BARX2: variants seen among roughly 807,000 people sequenced by gnomAD.
BARX2 encodes homeobox protein BarH-like 2.
A neutral mutation model predicts 25.5 loss-of-function variants in BARX2; 11 were observed. That is an observed-to-expected ratio of 0.43 (90% CI 0.27 to 0.71). The LOEUF (loss-of-function observed/expected upper bound fraction) is 0.71, where lower values mean the gene tolerates loss of function less well. Ranked by LOEUF, BARX2 falls within the 30% of genes least tolerant of loss-of-function variation. The pLI, the probability that BARX2 is intolerant of heterozygous loss-of-function variation, is 0.19. For synonymous variants in BARX2, 137 were observed against 149.5 expected, an observed-to-expected ratio of 0.92 and a Z score of 0.61; for missense variants, 360 against 359.9, an observed-to-expected ratio of 1.00 and a Z score of 0.00.
chr11:129,431,158 G>C (rs1459828102), intron 1 of BARX2, among the ~76,000 whole-genome samples: 1 of 152,150 alleles, frequency 6.6e-6, no homozygotes, highest in African/African-American at 2.4e-5. Context: ...ATATTTCTGA[G>C]TAGTATTTCG....
At chr11:129,430,446 G>T (rs1304763309) in intron 1 of BARX2, among the ~76,000 whole-genome samples, 1 of 151,942 alleles carries the variant, frequency 6.6e-6, no homozygotes, top group Non-Finnish European at 1.5e-5. Context: ...AGCAGTGAGG[G>T]GAGTCTTCTA....
In BARX2 at chr11:129,388,411, G is replaced by A. The variant is rs185147364; in HGVS notation, c.187+12189G>A. Among the ~76,000 whole-genome samples the A allele has an allele frequency of 8.6e-4, 131 of 152,134 alleles. 1 individual carries two copies. Among genetic ancestry groups the A allele is most frequent in the African/African-American group, 2.8e-3 (117 of 41,486 alleles). On this transcript the variant is annotated intron_variant, in intron 1 of 3. Coordinates refer to ENST00000281437, the MANE Select transcript of BARX2 (RefSeq NM_003658.5). ...CTGTGTCCGTGTCTGTGTAGCATTC[G>A]CTACCAATCTCTGGGTCACGGTGCT...
At position 129,393,230 on chromosome 11, in the gene BARX2, A is replaced by G. The variant is rs1168984327; in HGVS notation, c.187+17008A>G. Among the ~76,000 whole-genome samples the G allele has an allele frequency of 5.3e-5, 8 of 152,166 alleles. No individual in the cohort carries two copies. The South Asian group carries it at 8.3e-4, about 16-fold the overall frequency. ...AGCCTAGGCAACAGAGGAAAATCCT[A>G]TATCTAAAAACAACAGCAACAAAAA... On this transcript the variant is annotated intron_variant, in intron 1 of 3. Transcript: ENST00000281437.
chr11:129,409,035 A>T (rs1861860575), intron 1 of BARX2, among the ~76,000 whole-genome samples: 1 of 151,310 alleles, frequency 6.6e-6, no homozygotes, highest in African/African-American at 2.5e-5. Context: ...AATAACTTAG[A>T]CCTTGTGGGC....
At chr11:129,388,725 G>T (rs755539918) in intron 1 of BARX2, among the ~76,000 whole-genome samples, 87 of 152,140 alleles carry the variant, frequency 5.7e-4, no homozygotes, top group Non-Finnish European at 1.0e-3. Flanking sequence ...AAACCTTTCT[G>T]TATGATTGCA....
rs948404720 is a variant in BARX2, at chr11:129,451,666, T to C, written c.*264T>C. 3.6e-5 allele frequency: 17 copies of C among 472,056 alleles called. No individual in the cohort carries two copies. Among genetic ancestry groups the C allele is most frequent in the Non-Finnish European group, 6.5e-5 (17 of 262,686 alleles). The allele number at this position is 472,056 out of a possible 1,614,324, so 29.2% of individuals were successfully genotyped here. A position where few individuals can be genotyped will look rare whatever the true frequency, so the allele number is the denominator to read the frequency against. On this transcript the variant is annotated 3_prime_UTR_variant, in exon 4 of 4. Coordinates refer to ENST00000281437, the MANE Select transcript of BARX2 (RefSeq NM_003658.5). ...AGGGAGAGAGCGCCTAGGAGCTGCC[T>C]GCCCCAGCTGGGGTGACGGCTGTAG... is the stretch of plus-strand genomic sequence containing the variant.
Position 129,376,100 on chromosome 11 carries a change from A to G in BARX2, c.65A>G (p.Tyr22Cys), listed in dbSNP as rs1591422143. Residue 22 changes from tyrosine to cysteine, a missense_variant, in exon 1 of 4, where the codon TAC (tyrosine) becomes TGC (cysteine). By Grantham distance (194) the Tyr-to-Cys change is radical (BLOSUM62 -2). Transcript: ENST00000281437. The surrounding 1 kb of genome is among the most constrained non-coding windows in gnomAD (Gnocchi z 4.2). ...PGQLKAARRR[Y>C]KTFMIDEILS... ...CAGCTCAAAGCAGCCAGGCGGCGCT[A>G]CAAGACTTTCATGATCGACGAGATC... The G allele has an allele frequency of 1.2e-6, 2 of 1,612,680 alleles. No individual in the cohort carries two copies. Among genetic ancestry groups the G allele is most frequent in the Non-Finnish European group, 1.7e-6 (2 of 1,179,376 alleles).
At chr11:129,438,210 C>G (rs1862215346) in intron 2 of BARX2, 1 of 151,006 alleles carries the variant, frequency 6.6e-6, no homozygotes, top group Non-Finnish European at 1.5e-5. Context: ...GTAATCCCAG[C>G]TACTTGGGAG....
At chr11:129,427,069 C>T (rs1268418760) in intron 1 of BARX2, among the ~76,000 whole-genome samples, 1 of 152,160 alleles carries the variant, frequency 6.6e-6, no homozygotes, top group Non-Finnish European at 1.5e-5. Flanking sequence ...AGTAGGTGTG[C>T]TTTCTTGATA....
intron 1 of BARX2, among the ~76,000 whole-genome samples, chr11:129,380,340 C>T (rs184004847): frequency 3.7e-4 from 56 of 152,080 alleles, no homozygotes; most frequent in Admixed American, 3.7e-3. Context: ...TCCTTGGGTG[C>T]GTTTTTATCA....
chr11:129,420,680 C>T (rs796602199), intron 1 of BARX2, among the ~76,000 whole-genome samples: 1 of 152,308 alleles, frequency 6.6e-6, no homozygotes, highest in African/African-American at 2.4e-5. Context: ...TATTACTTCA[C>T]CTCCTTGTGA....
At chr11:129,430,224 T>G (rs1314999209) in intron 1 of BARX2, among the ~76,000 whole-genome samples, 1 of 152,230 alleles carries the variant, frequency 6.6e-6, no homozygotes, top group Non-Finnish European at 1.5e-5. Context: ...ATCTTAACCC[T>G]GCCATTTTAA....
chr11:129,441,900 A>C (rs1281798239), intron 2 of BARX2, among the ~76,000 whole-genome samples: 1 of 152,168 alleles, frequency 6.6e-6, no homozygotes, highest in East Asian at 1.9e-4. Context: ...GGGATAGATA[A>C]GACAGCATGT....
At chr11:129,442,750 C>G in intron 2 of BARX2, 85 bp from the exon 3 acceptor site, 1 of 1,201,484 alleles carries the variant, frequency 8.3e-7, no homozygotes, top group Non-Finnish European at 1.2e-6. Flanking sequence ...AGTGCTGGAG[C>G]CTGTCTGGAG....
In BARX2 at chr11:129,451,119, A is replaced by G. The variant is rs561559861; in HGVS notation, c.574-17A>G. ...GAATTATTTCTTAGATTCAATAACA[A>G]TTTTTTACTCACGTAGGTTCTTAAA... On this transcript the variant is annotated splice_polypyrimidine_tract_variant and intron_variant, in intron 3 of 3. Coordinates refer to ENST00000281437, the MANE Select transcript of BARX2 (RefSeq NM_003658.5). 2 of 1,604,472 alleles carry G rather than the reference A, an allele frequency of 1.2e-6. No individual in the cohort carries two copies. The highest frequency in any genetic ancestry group is 2.2e-5 in the East Asian group (1 of 44,668).
chr11:129,400,895 A>C (rs1299087889), intron 1 of BARX2, among the ~76,000 whole-genome samples: 1 of 152,226 alleles, frequency 6.6e-6, no homozygotes, highest in Non-Finnish European at 1.5e-5. Context: ...AAAGATTAGA[A>C]AAGAGAGTCA....
chr11:129,388,028 T>C (rs77364305), intron 1 of BARX2, among the ~76,000 whole-genome samples: 6,444 of 152,126 alleles, frequency 0.042, 433 homozygotes, highest in African/African-American at 0.15. Context: ...ACTCCAGTAC[T>C]GGATATGATT....
intron 1 of BARX2, among the ~76,000 whole-genome samples, chr11:129,409,078 G>A (rs981284735): frequency 2.2e-4 from 33 of 152,148 alleles, no homozygotes; most frequent in African/African-American, 7.7e-4. Context: ...TAATACAAGA[G>A]CTCTCAGAGA....
intron 1 of BARX2, among the ~76,000 whole-genome samples, chr11:129,422,650 C>T (rs1017207838): frequency 1.8e-4 from 27 of 147,844 alleles, no homozygotes; most frequent in African/African-American, 6.5e-4. Context: ...GTGTAGATCT[C>T]TTGTGTGTAC....
Sources: gnomAD v4.1 joint callset for allele counts (sites outside exome capture counted in the v4.1 genomes callset) on GRCh38, gnomAD v4.1.1 for gene constraint, Gnocchi (gnomAD v3.1) non-coding constraint, MANE v1.5 for transcripts, NCBI Gene and HGNC (gene_info 2026-07-23, HGNC 2026-07-21) for gene names.